Variants in EFCAB6 observed in about 807,000 individuals in gnomAD.
EFCAB6 encodes EF-hand calcium binding domain 6.
A neutral mutation model predicts 169.8 loss-of-function variants in EFCAB6; 156 were observed. The ratio of observed to expected loss-of-function variants is 0.92; its 90% CI spans 0.81 to 1.05. EFCAB6 has a LOEUF of 1.05. EFCAB6 is among the 50% of genes least tolerant of loss of function. The pLI, the probability that EFCAB6 is intolerant of heterozygous loss-of-function variation, is 0.00. For missense variants in EFCAB6, 1,800 were observed against 1,829.1 expected, an observed-to-expected ratio of 0.98 and a Z score of 0.29; for synonymous variants, 698 against 676.4, an observed-to-expected ratio of 1.03 and a Z score of -0.50.
chr22:43,668,432 T>C (rs761619763), intron 16 of EFCAB6, among the ~76,000 whole-genome samples: 1 of 152,256 alleles, frequency 6.6e-6, no homozygotes, highest in Non-Finnish European at 1.5e-5. Flanking sequence ...AGTTTAATCA[T>C]TCTATCATTC....
intron 26 of EFCAB6, among the ~76,000 whole-genome samples, chr22:43,566,763 T>A (rs2049461658): frequency 6.6e-6 from 1 of 151,858 alleles, no homozygotes; most frequent in Non-Finnish European, 1.5e-5. Flanking sequence ...CATGCAGGAG[T>A]GACAGAGCAG....
chr22:43,728,314 A>T (rs535141591), intron 8 of EFCAB6, among the ~76,000 whole-genome samples: 2 of 152,148 alleles, frequency 1.3e-5, no homozygotes, highest in African/African-American at 4.8e-5. Context: ...TCTATCATTT[A>T]TGGGCATTTG....
rs570220536 is a variant in EFCAB6 at position 43,656,574 on chromosome 22, T to A, written c.1983+10530A>T. 2.6e-5 allele frequency among the ~76,000 whole-genome samples: 4 copies of A among 152,286 alleles called. No homozygotes were observed. The East Asian group carries it at 5.8e-4, about 22-fold the overall frequency. On this transcript the variant is annotated intron_variant, in intron 17 of 31. Coordinates refer to ENST00000262726, the MANE Select transcript of EFCAB6 (RefSeq NM_022785.4). ...ATTATATCATATTTGTTCTGTACCT[T>A]TTCTATGTTTAGATACACAAATACT... is the stretch of plus-strand genomic sequence containing the variant.
chr22:43,726,902 C>T (rs1260684396), intron 8 of EFCAB6, among the ~76,000 whole-genome samples: 3 of 152,104 alleles, frequency 2.0e-5, no homozygotes, highest in Admixed American at 6.6e-5. Context: ...TTCTTCAGAA[C>T]ATAACAGAAT....
At chr22:43,648,194 T>C (rs1347460891) in intron 17 of EFCAB6, among the ~76,000 whole-genome samples, 1 of 152,128 alleles carries the variant, frequency 6.6e-6, no homozygotes, top group Non-Finnish European at 1.5e-5. Flanking sequence ...ACTACTATTA[T>C]CTCCATTTTA....
At chr22:43,773,676 C>T (rs2061550904) in intron 3 of EFCAB6, among the ~76,000 whole-genome samples, 1 of 152,160 alleles carries the variant, frequency 6.6e-6, no homozygotes, top group Non-Finnish European at 1.5e-5. Flanking sequence ...GGCGAAACCC[C>T]ATCTCTACTA....
intron 21 of EFCAB6, among the ~76,000 whole-genome samples, chr22:43,613,100 C>A (rs5764158): frequency 6.8e-6 from 1 of 146,754 alleles, no homozygotes; most frequent in South Asian, 2.1e-4. Flanking sequence ...ATAAATCATT[C>A]TAAATATATA....
At chr22:43,670,506 G>A (rs1285256165) in intron 15 of EFCAB6, among the ~76,000 whole-genome samples, 1 of 152,240 alleles carries the variant, frequency 6.6e-6, no homozygotes, top group East Asian at 1.9e-4. Flanking sequence ...GACATGCTCT[G>A]TGTATATGTG....
intron 2 of EFCAB6, among the ~76,000 whole-genome samples, chr22:43,798,145 G>C (rs1334557525): frequency 6.6e-6 from 1 of 152,054 alleles, no homozygotes; most frequent in African/African-American, 2.4e-5. Context: ...CAGCACTTCG[G>C]GAGGCCAAGA....
At chr22:43,688,552 C>A (rs976426218) in intron 10 of EFCAB6, among the ~76,000 whole-genome samples, 12 of 152,212 alleles carry the variant, frequency 7.9e-5, no homozygotes, top group African/African-American at 2.9e-4. Context: ...GACCAGAGTA[C>A]CTGCTCCTGC....
At chr22:43,783,478 CAG>C (rs2061903240) in intron 2 of EFCAB6, among the ~76,000 whole-genome samples, 2 of 152,140 alleles carry the variant, frequency 1.3e-5, no homozygotes, top group South Asian at 2.1e-4. Flanking sequence ...AAGGCTAAGA[CAG>C]AGTTATAAAC....
At chr22:43,650,262 T>C (rs73432083) in intron 17 of EFCAB6, among the ~76,000 whole-genome samples, 7,139 of 152,248 alleles carry the variant, frequency 0.047, 192 homozygotes, top group African/African-American at 0.055. Flanking sequence ...TGGGAGGTAA[T>C]TGAATCATGG....
intron 19 of EFCAB6, 44 bp from the exon 20 acceptor site, chr22:43,626,723 C>T (rs768142865): frequency 8.8e-6 from 14 of 1,598,634 alleles, no homozygotes; most frequent in Non-Finnish European, 1.2e-5. Flanking sequence ...CCAAGAGCCC[C>T]GGACGGCCAC....
chr22:43,735,365 C>T (rs966998446), intron 7 of EFCAB6, among the ~76,000 whole-genome samples: 1 of 151,494 alleles, frequency 6.6e-6, no homozygotes, highest in Admixed American at 6.6e-5. Flanking sequence ...ACCCCTCCAC[C>T]TCAGCAACAA....
At chr22:43,710,434 TTA>T (rs1483026987) in intron 10 of EFCAB6, among the ~76,000 whole-genome samples, 3 of 152,218 alleles carry the variant, frequency 2.0e-5, no homozygotes, top group African/African-American at 7.2e-5. Flanking sequence ...TTCTTAATCA[TTA>T]TTAAGAAAAA....
intron 17 of EFCAB6, among the ~76,000 whole-genome samples, chr22:43,661,614 T>G (rs986500890): frequency 2.6e-5 from 4 of 151,992 alleles, no homozygotes; most frequent in Non-Finnish European, 4.4e-5. Context: ...CCCTTCTCCT[T>G]CCCCTCCTCA....
chr22:43,733,481 T>C (rs2060024910), intron 7 of EFCAB6, among the ~76,000 whole-genome samples: 1 of 152,134 alleles, frequency 6.6e-6, no homozygotes, highest in South Asian at 2.1e-4. Context: ...CCTGATTAAG[T>C]ATGGGGCTTG....
intron 7 of EFCAB6, among the ~76,000 whole-genome samples, chr22:43,733,560 G>C (rs1364003908): frequency 6.6e-6 from 1 of 152,162 alleles, no homozygotes; most frequent in Non-Finnish European, 1.5e-5. Context: ...AAATGGAACA[G>C]GTCATCAGAG....
intron 2 of EFCAB6, among the ~76,000 whole-genome samples, chr22:43,799,329 C>CCACACACACA (rs112231545): frequency 0.22 from 31,947 of 146,318 alleles, 3,524 homozygotes; most frequent in Middle Eastern, 0.26. Context: ...GAATCTGTCT[C>CCACACACACA]CACACACACA....
Sources: gnomAD v4.1 joint callset for allele counts (sites outside exome capture counted in the v4.1 genomes callset) on GRCh38, gnomAD v4.1.1 for gene constraint, MANE v1.5 for transcripts, NCBI Gene and HGNC (gene_info 2026-07-23, HGNC 2026-07-21) for gene names.